Variants in CELSR1 observed in about 807,000 individuals in gnomAD.
CELSR1 encodes the protein cadherin EGF LAG seven-pass G-type receptor 1.
Under a neutral mutation model 249.1 loss-of-function variants are expected in CELSR1, and 110 were observed. The ratio of observed to expected loss-of-function variants is 0.44; its 90% CI spans 0.38 to 0.52. The LOEUF (loss-of-function observed/expected upper bound fraction) is 0.52. Among genes scored for constraint, CELSR1 ranks in the 20% least tolerant of loss-of-function variants. The pLI is 0.00. For missense variants in CELSR1, 4,109 were observed against 4,296.4 expected (o/e 0.96, Z 1.22); for synonymous variants, 2,113 against 1,900.0 (o/e 1.11, Z -2.92).
chr22:46,528,610 A>T (rs192098167), intron 1 of CELSR1, among the ~76,000 whole-genome samples: 1 of 152,338 alleles, frequency 6.6e-6, no homozygotes, highest in Admixed American at 6.5e-5. Flanking sequence ...TGGTACATAT[A>T]TACCATGGTG....
chr22:46,526,119 C>T lies in CELSR1; in HGVS notation c.3544+7508G>A, dbSNP rs113237978. On this transcript the variant is annotated intron_variant, in intron 1 of 34. Coordinates refer to ENST00000674500, the MANE Select transcript of CELSR1 (RefSeq NM_001378328.1). The surrounding 1 kb of genome is among the most constrained non-coding windows in gnomAD (Gnocchi z 4.7). ...GCCCTGCCCTGGTGAGTCCATGTCC[C>T]GTGGACCTGTGGCCCCTTCCATTCT... Among the ~76,000 whole-genome samples, 3 of 152,236 alleles carry T rather than the reference C, an allele frequency of 2.0e-5. No homozygotes were observed. The highest frequency in any genetic ancestry group is 2.9e-5 in the Non-Finnish European group (2 of 68,038).
chr22:46,380,927 G>T lies in CELSR1; in HGVS notation c.7117C>A (p.Pro2373Thr). ...CTGTACACCAGCGTGCTCACCATCG[G>T]GGTATTAATGATGGGCCGGTGAGGC... The part of the protein sequence containing the change: ...RLPHRPIINT[P>T]MVSTLVYSEG... Residue 2373 changes from proline (P) to threonine (T), a missense_variant, in exon 22 of 35, where the codon CCG becomes ACG. Coordinates refer to ENST00000674500, the MANE Select transcript of CELSR1 (RefSeq NM_001378328.1). This position sits in a 1 kb window ranked among gnomAD's most constrained non-coding sequence, Gnocchi z 5.1. 1 of 1,613,574 alleles carries T rather than the reference G, an allele frequency of 6.2e-7. No individual in the cohort carries two copies. The highest frequency in any genetic ancestry group is 8.5e-7 in the Non-Finnish European group (1 of 1,179,848).
rs1298509722 is a variant in CELSR1 at position 46,488,071 on chromosome 22, A to AG, written c.3545-23727dup. On this transcript the variant is annotated intron_variant, in intron 1 of 34. Coordinates refer to ENST00000674500, the MANE Select transcript of CELSR1 (RefSeq NM_001378328.1). The surrounding 1 kb of genome is among the most constrained non-coding windows in gnomAD (Gnocchi z 4.7). ...GGATCAGCTGACAGGGGCGTGAGGG[A>AG]GGGGTGTCAAGTACCAGTGGAGGCA... 6.9e-6 allele frequency among the ~76,000 whole-genome samples: 1 copy of AG among 145,198 alleles called. No individual in the cohort carries two copies. Among genetic ancestry groups the AG allele is most frequent in the East Asian group, 2.0e-4 (1 of 4,920 alleles).
Position 46,437,625 on chromosome 22 carries a change from C to G in CELSR1, c.4407-1336G>C, listed in dbSNP as rs909546781. ...AATTAGCCGGGCATGGTGGTGGGCA[C>G]CTGTAATCCCAGCTACTCAAGAGGT... On this transcript the variant is annotated intron_variant, in intron 3 of 34. Coordinates refer to ENST00000674500, the MANE Select transcript of CELSR1 (RefSeq NM_001378328.1). This position sits in a 1 kb window ranked among gnomAD's most constrained non-coding sequence, Gnocchi z 4.9. 6.6e-6 allele frequency among the ~76,000 whole-genome samples: 1 copy of G among 152,024 alleles called. No homozygotes were observed. The highest frequency in any genetic ancestry group is 2.4e-5 in the African/African-American group (1 of 41,344).
chr22:46,517,614 G>A lies in CELSR1; in HGVS notation c.3544+16013C>T, dbSNP rs888922141. Among the ~76,000 whole-genome samples, 11 of 152,188 alleles carry A rather than the reference G, an allele frequency of 7.2e-5. No individual in the cohort carries two copies. Among genetic ancestry groups the A allele is most frequent in the Non-Finnish European group, 1.0e-4 (7 of 68,038 alleles). ...AGCTTCCCGTCCTGCACACACAGAC[G>A]CACCCCTGACCTCTGACGGCCACAT... On this transcript the variant is annotated intron_variant, in intron 1 of 34. Coordinates refer to ENST00000674500, the MANE Select transcript of CELSR1 (RefSeq NM_001378328.1). This position sits in a 1 kb window ranked among gnomAD's most constrained non-coding sequence, Gnocchi z 5.4.
chr22:46,372,846 C>G (rs1199439378), intron 25 of CELSR1, 37 bp downstream of exon 25: 5 of 1,564,958 alleles, frequency 3.2e-6, no homozygotes, highest in Non-Finnish European at 4.3e-6. Flanking sequence ...TGTTGGAAAT[C>G]TGTGGTTTTA....
rs1324580936 is a variant in CELSR1 at position 46,398,514 on chromosome 22, C to T, written c.5526+10G>A. ...CAGGCCTCCCCCCGCCCCCCACAAC[C>T]CCCACGCACCTGCATGCAGCCTCGG... On this transcript the variant is annotated intron_variant, in intron 11 of 34. Coordinates refer to ENST00000674500, the MANE Select transcript of CELSR1 (RefSeq NM_001378328.1). This position sits in a 1 kb window ranked among gnomAD's most constrained non-coding sequence, Gnocchi z 7.2. 2 of 1,593,624 alleles carry T rather than the reference C, an allele frequency of 1.3e-6. No homozygotes were observed. The highest frequency in any genetic ancestry group is 1.7e-6 in the Non-Finnish European group (2 of 1,168,408).
intron 1 of CELSR1, among the ~76,000 whole-genome samples, chr22:46,498,650 T>A (rs1602214361): frequency 6.7e-6 from 1 of 148,150 alleles, no homozygotes; most frequent in Non-Finnish European, 1.5e-5. Context: ...AACACTCCGG[T>A]GGTATGGGAT....
At chr22:46,442,585 C>A (rs1387977877) in intron 2 of CELSR1, among the ~76,000 whole-genome samples, 1 of 152,240 alleles carries the variant, frequency 6.6e-6, no homozygotes, top group East Asian at 1.9e-4. Context: ...CCAACCTCAG[C>A]CACGGGCTGA....
chr22:46,456,683 A>AAG (rs1449970043), intron 2 of CELSR1, among the ~76,000 whole-genome samples: 6 of 150,098 alleles, frequency 4.0e-5, no homozygotes, highest in African/African-American at 1.2e-4. Context: ...AAAAAAAAAA[A>AAG]AAAAGAGAAC....
chr22:46,394,063 G>T (rs1361301621), intron 14 of CELSR1, 79 bp downstream of exon 14: 2 of 1,544,264 alleles, frequency 1.3e-6, no homozygotes, highest in Non-Finnish European at 1.8e-6. Flanking sequence ...GGTATGTGAA[G>T]GCGTGTGTGT....
rs928048981 is a variant in CELSR1 at position 46,428,446 on chromosome 22, G to A, written c.4611+4947C>T. 7.9e-5 allele frequency among the ~76,000 whole-genome samples: 12 copies of A among 152,148 alleles called. No individual in the cohort carries two copies. Among genetic ancestry groups the A allele is most frequent in the African/African-American group, 1.2e-4 (5 of 41,430 alleles). On this transcript the variant is annotated intron_variant, in intron 5 of 34. Transcript: ENST00000674500. This position sits in a 1 kb window ranked among gnomAD's most constrained non-coding sequence, Gnocchi z 5.7. ...CGTAGAGGCTGCTGCCTCAAGCTCC[G>A]GCCCAGGGTCTCGCATCTCCACCTG...
chr22:46,398,577 C>T lies in CELSR1; in HGVS notation c.5473G>A (p.Gly1825Ser), dbSNP rs2079176766. 17 of 1,613,880 alleles carry T rather than the reference C, an allele frequency of 1.1e-5. No homozygotes were observed. The highest frequency in any genetic ancestry group is 1.2e-5 in the Non-Finnish European group (14 of 1,179,910). ...GLTVRSVVVGGASEDKVSVRR... is the reference protein window; with the variant it reads ...GLTVRSVVVGSASEDKVSVRR... ...ACGGAGACCTTGTCTTCAGAGGCGC[C>T]TCCGACCACCACGCTCCTTACCGTC... The change falls in exon 11 of 35, where the codon GGC becomes AGC. Residue 1825 changes from glycine to serine, a missense_variant. Coordinates refer to ENST00000674500, the MANE Select transcript of CELSR1 (RefSeq NM_001378328.1). The surrounding 1 kb of genome is among the most constrained non-coding windows in gnomAD (Gnocchi z 7.2).
At position 46,411,819 on chromosome 22, in the gene CELSR1, C is replaced by T. The variant is rs1011513360; in HGVS notation, c.4612-60G>A. ...TTTCTCCACCAGTGCCCTCAGCAGG[C>T]GCACCTGTCACTCATAGAGCGAGGA... On this transcript the variant is annotated intron_variant, in intron 5 of 34. Coordinates refer to ENST00000674500, the MANE Select transcript of CELSR1 (RefSeq NM_001378328.1). The surrounding 1 kb of genome is among the most constrained non-coding windows in gnomAD (Gnocchi z 4.2). 18 of 1,602,062 alleles carry T rather than the reference C, an allele frequency of 1.1e-5. No individual in the cohort carries two copies. Among genetic ancestry groups the T allele is most frequent in the Middle Eastern group, 1.6e-4 (1 of 6,066 alleles).
chr22:46,379,087 G>A (rs1354684508), intron 22 of CELSR1, among the ~76,000 whole-genome samples: 1 of 152,302 alleles, frequency 6.6e-6, no homozygotes, highest in Admixed American at 6.5e-5. Context: ...TCTCGCGTCC[G>A]CCCCGCTGCT....
At chr22:46,370,164 G>A (rs1170007072) in intron 25 of CELSR1, 2 of 466,188 alleles carry the variant, frequency 4.3e-6, no homozygotes, top group Non-Finnish European at 4.3e-6. Context: ...GCTGGGCCAT[G>A]TAGAGGTCAG....
At chr22:46,467,411 A>AT (rs1000815656) in intron 1 of CELSR1, among the ~76,000 whole-genome samples, 14 of 152,340 alleles carry the variant, frequency 9.2e-5, no homozygotes, top group Middle Eastern at 3.4e-3. Context: ...TGTCATGAAC[A>AT]TAAGTGTGTC....
chr22:46,381,847 G>A lies in CELSR1; in HGVS notation c.7087C>T (p.Arg2363Trp), dbSNP rs370120392. ...ERYDPDRRSLRLPHRPIINTP... is the reference protein window; with the variant it reads ...ERYDPDRRSLWLPHRPIINTP... ...GTGTGCCCCGTGCCCAGGCCTTACC[G>A]GAGGCTGCGACGGTCGGGGTCGTAG... Residue 2363 changes from arginine (R) to tryptophan (W), a missense_variant and splice_region_variant, in exon 21 of 35, where the codon CGG (arginine) becomes TGG (tryptophan). Coordinates refer to ENST00000674500, the MANE Select transcript of CELSR1 (RefSeq NM_001378328.1). This position sits in a 1 kb window ranked among gnomAD's most constrained non-coding sequence, Gnocchi z 6.0. 1.1e-4 allele frequency: 167 copies of A among 1,550,854 alleles called. 1 individual carries two copies. Among genetic ancestry groups the A allele is most frequent in the East Asian group, 2.2e-4 (9 of 41,560 alleles).
At chr22:46,516,969 G>A (rs746578430) in intron 1 of CELSR1, among the ~76,000 whole-genome samples, 1 of 152,170 alleles carries the variant, frequency 6.6e-6, no homozygotes, top group Non-Finnish European at 1.5e-5. Context: ...GCCATGGGAT[G>A]CCCTTTTCGT....
Sources: allele counts gnomAD v4.1 joint callset (sites outside exome capture counted in the v4.1 genomes callset), GRCh38; gene constraint gnomAD v4.1.1; non-coding constraint Gnocchi (gnomAD v3.1); transcripts MANE v1.5; gene names NCBI Gene and HGNC (gene_info 2026-07-23, HGNC 2026-07-21).